SLC25A26: variants seen among roughly 807,000 people sequenced by gnomAD.
SLC25A26 encodes the protein solute carrier family 25 member 26, also known as mitochondrial S-adenosylmethionine carrier protein.
A neutral mutation model predicts 37.8 loss-of-function variants in SLC25A26; 36 were observed. The observed-to-expected ratio is 0.95, with a 90% CI of 0.73 to 1.26. SLC25A26 has a LOEUF of 1.26. Ranked by LOEUF, SLC25A26 falls within the 50% of genes most tolerant of loss-of-function variation. The probability of loss-of-function intolerance (pLI) is 0.00; values close to 1 mark genes in which losing one functional copy is unlikely to be tolerated. For synonymous variants in SLC25A26, 129 were observed against 122.5 expected (o/e 1.05, Z -0.35); for missense variants, 390 against 331.1 (o/e 1.18, Z -1.38).
intron 1 of SLC25A26, among the ~76,000 whole-genome samples, chr3:66,168,031 T>C (rs2070447668): frequency 6.6e-6 from 1 of 151,636 alleles, no homozygotes; most frequent in Non-Finnish European, 1.5e-5. Flanking sequence ...CACATGCCTG[T>C]AATCCCAGCT....
At chr3:66,291,642 A>C (rs2074712458) in intron 5 of SLC25A26, among the ~76,000 whole-genome samples, 2 of 152,170 alleles carry the variant, frequency 1.3e-5, no homozygotes, top group Non-Finnish European at 2.9e-5. Context: ...CCTGAGTTCT[A>C]ATTTGATTGC....
intron 5 of SLC25A26, among the ~76,000 whole-genome samples, chr3:66,325,358 G>C (rs1220331418): frequency 6.6e-6 from 1 of 152,192 alleles, no homozygotes; most frequent in African/African-American, 2.4e-5. Context: ...ATTTACAAAG[G>C]CATATTCAAT....
intron 1 of SLC25A26, among the ~76,000 whole-genome samples, chr3:66,169,969 G>A (rs1335110722): frequency 6.6e-6 from 1 of 152,152 alleles, no homozygotes; most frequent in East Asian, 1.9e-4. Flanking sequence ...GGGATGGGTG[G>A]CACTGGCTGA....
chr3:66,277,102 A>G (rs912360664), intron 5 of SLC25A26, among the ~76,000 whole-genome samples: 1 of 152,054 alleles, frequency 6.6e-6, no homozygotes, highest in African/African-American at 2.4e-5. Context: ...CTAATTTTTT[A>G]AAACTTTTAC....
intron 1 of SLC25A26, among the ~76,000 whole-genome samples, chr3:66,233,715 G>T (rs1049456726): frequency 6.6e-6 from 1 of 151,428 alleles, no homozygotes. Flanking sequence ...TTTTTCAGTC[G>T]CATGAATTTA....
At chr3:66,224,750 A>C (rs1381715795) in intron 1 of SLC25A26, among the ~76,000 whole-genome samples, 8 of 152,226 alleles carry the variant, frequency 5.3e-5, no homozygotes, top group Admixed American at 5.2e-4. Flanking sequence ...CCTTCTGCCT[A>C]TGAGCCTGTA....
At chr3:66,153,483 C>T (rs374484335) in intron 1 of SLC25A26, among the ~76,000 whole-genome samples, 3 of 152,204 alleles carry the variant, frequency 2.0e-5, no homozygotes, top group Admixed American at 2.0e-4. Context: ...ATTCTTCCAG[C>T]CTGGAGTGGG....
rs559538611 is a variant in SLC25A26, at chr3:66,303,773, T to C, written c.453+40394T>C. Among the ~76,000 whole-genome samples, 9 of 152,302 alleles carry C rather than the reference T, an allele frequency of 5.9e-5. No homozygotes were observed. In the East Asian group the frequency reaches 1.4e-3, roughly 23 times the overall value. On this transcript the variant is annotated intron_variant, in intron 5 of 9. Transcript: ENST00000354883. Reference sequence around the variant, plus strand: ...CAGTCTGAGGACCGCGTGGCTGAGTTCTCCATTCACTGTTTCACACAGTGA... The same window carrying C: ...CAGTCTGAGGACCGCGTGGCTGAGTCCTCCATTCACTGTTTCACACAGTGA...
At chr3:66,299,202 T>C (rs1010407398) in intron 5 of SLC25A26, among the ~76,000 whole-genome samples, 1 of 152,042 alleles carries the variant, frequency 6.6e-6, no homozygotes, top group Admixed American at 6.6e-5. Flanking sequence ...ACAACAAACT[T>C]TTTTTTTGAG....
intron 1 of SLC25A26, among the ~76,000 whole-genome samples, chr3:66,142,831 T>C (rs1015376668): frequency 6.6e-6 from 1 of 152,200 alleles, no homozygotes; most frequent in Non-Finnish European, 1.5e-5. Flanking sequence ...TGGTGTGATC[T>C]TAGCTTGCTG....
chr3:66,277,063 A>G (rs188954851), intron 5 of SLC25A26, among the ~76,000 whole-genome samples: 137 of 152,070 alleles, frequency 9.0e-4, no homozygotes, highest in African/African-American at 3.1e-3. Context: ...TTTGATACAT[A>G]TGTACATGGA....
At chr3:66,337,394 CA>C (rs2076114099) in intron 5 of SLC25A26, among the ~76,000 whole-genome samples, 9 of 151,830 alleles carry the variant, frequency 5.9e-5, no homozygotes, top group Admixed American at 5.9e-4. Flanking sequence ...ATTGATTAAA[CA>C]AAAGTTGTGT....
intron 5 of SLC25A26, chr3:66,304,455 G>A (rs1342846358): frequency 2.2e-6 from 1 of 456,278 alleles, no homozygotes; most frequent in Non-Finnish European, 4.4e-6. Flanking sequence ...TTTTGCAGGA[G>A]GAGGATTAGA....
chr3:66,348,848 G>T (rs969752386), intron 6 of SLC25A26, among the ~76,000 whole-genome samples: 2 of 152,190 alleles, frequency 1.3e-5, no homozygotes, highest in African/African-American at 2.4e-5. Flanking sequence ...TTCTCTGGCA[G>T]TGTTTCAGGG....
chr3:66,371,129 G>A (rs1700324307), intron 9 of SLC25A26: 1 of 1,419,022 alleles, frequency 7.0e-7, no homozygotes. Context: ...ACATTGCTTT[G>A]ACACCATAAA....
intron 1 of SLC25A26, among the ~76,000 whole-genome samples, chr3:66,150,506 A>AT (rs1474180387): frequency 5.5e-5 from 5 of 90,238 alleles, no homozygotes; most frequent in East Asian, 2.7e-4. Flanking sequence ...TCAAGACAAA[A>AT]AAATATATAT....
At chr3:66,261,335 G>A (rs2073520800) in intron 3 of SLC25A26, among the ~76,000 whole-genome samples, 1 of 152,112 alleles carries the variant, frequency 6.6e-6, no homozygotes, top group Non-Finnish European at 1.5e-5. Context: ...GAGTTCCTTT[G>A]GGTTTGACTA....
intron 5 of SLC25A26, among the ~76,000 whole-genome samples, chr3:66,282,027 CG>C (rs1313308632): frequency 1.2e-4 from 10 of 85,970 alleles, no homozygotes; most frequent in African/African-American, 2.8e-4. Context: ...TTTTTTGAGA[CG>C]GAGTCTCGCT....
chr3:66,306,374 G>A (rs1405559409), intron 5 of SLC25A26, among the ~76,000 whole-genome samples: 2 of 118,946 alleles, frequency 1.7e-5, no homozygotes, highest in African/African-American at 9.6e-5. Flanking sequence ...GTGATGTTGA[G>A]CTTTTTTTTC....
Sources: gnomAD v4.1 joint callset for allele counts (sites outside exome capture counted in the v4.1 genomes callset) on GRCh38, gnomAD v4.1.1 for gene constraint, MANE v1.5 for transcripts, NCBI Gene and HGNC (gene_info 2026-07-23, HGNC 2026-07-21) for gene names.